CCNL1: variants seen among roughly 807,000 people sequenced by gnomAD.
The protein encoded by CCNL1 is cyclin-L1.
CCNL1 carries 13 observed loss-of-function variants against 60.6 expected under a neutral mutation model. The ratio of observed to expected loss-of-function variants is 0.21; its 90% confidence interval spans 0.14 to 0.34. The LOEUF (loss-of-function observed/expected upper bound fraction) is 0.34. Ranked by LOEUF, CCNL1 falls within the 10% of genes least tolerant of loss-of-function variation. The pLI is 1.00. For synonymous variants in CCNL1, 270 were observed against 244.3 expected (o/e 1.10, Z -0.98); for missense variants, 481 against 664.3 (o/e 0.72, Z 3.03).
intron 5 of CCNL1, chr3:157,151,315 G>A: frequency 1.0e-6 from 1 of 985,726 alleles, no homozygotes. Flanking sequence ...AATAGTCTTA[G>A]GAAACAGTAG....
At chr3:157,150,629 A>C in intron 5 of CCNL1, 2 of 1,183,612 alleles carry the variant, frequency 1.7e-6, no homozygotes, top group Admixed American at 3.9e-5. Context: ...ATTACAATCC[A>C]AACTAGAAAT....
At chr3:157,146,719 A>G (rs1737797219), downstream of CCNL1, 1 of 336,198 alleles carries the variant, frequency 3.0e-6, no homozygotes, top group Non-Finnish European at 5.9e-6. Flanking sequence ...TAGGGGAAGC[A>G]AACTGTTCAG....
chr3:157,159,985 G>A lies in CCNL1; in HGVS notation c.110C>T (p.Thr37Met), dbSNP rs770313834. The change falls in exon 1 of 11, where the codon ACG (threonine) becomes ATG (methionine). Residue 37 changes from threonine to methionine, a missense_variant. Thr to Met is a moderately conservative substitution (Grantham distance 81, BLOSUM62 -1). This residue lies in a region of CCNL1 where 65 missense variants were observed against 57.5 expected (regional missense o/e 1.13). Coordinates refer to ENST00000295926, the MANE Select transcript of CCNL1 (RefSeq NM_020307.4). ...SGTTTTTTTT[T>M]GGILIGDRLY... is the part of the protein sequence containing the mutation. ...GCGATCGCCGATCAGGATCCCTCCC[G>A]TCGTGGTCGTCGTCGTGGTCGTCGT... 5 of 1,581,228 alleles carry A rather than the reference G, an allele frequency of 3.2e-6. No homozygotes were observed. Among genetic ancestry groups the A allele is most frequent in the South Asian group, 2.3e-5 (2 of 86,766 alleles).
In CCNL1 at chr3:157,150,352, T is replaced by C. The variant is rs1485261912; in HGVS notation, c.704A>G (p.Asn235Ser). ...CTCTGGTTGAAATCGAACAAACACA[T>C]TGGTTCGAAGACTGTCATTCATGTA... is the stretch of plus-strand genomic sequence containing the variant. ...WNYMNDSLRT[N>S]VFVRFQPETI... Residue 235 changes from asparagine to serine, a missense_variant, in exon 6 of 11, where the codon AAT becomes AGT. Physicochemically the swap from Asn to Ser is conservative, Grantham distance 46. Coordinates refer to ENST00000295926, the MANE Select transcript of CCNL1 (RefSeq NM_020307.4). The C allele has an allele frequency of 2.5e-6, 4 of 1,613,806 alleles. No homozygotes were observed. In the South Asian group the frequency reaches 3.3e-5, roughly 13 times the overall value.
At chr3:157,159,020 C>T (rs757404564) in intron 2 of CCNL1, 45 bp from the exon 3 acceptor site, 2 of 1,262,584 alleles carry the variant, frequency 1.6e-6, no homozygotes, top group Admixed American at 3.9e-5. Context: ...AGATTAAACT[C>T]ACTTTGAAGA....
downstream of CCNL1, among the ~76,000 whole-genome samples, chr3:157,146,250 G>T (rs1254597305): frequency 2.0e-5 from 3 of 152,138 alleles, no homozygotes; most frequent in Non-Finnish European, 4.4e-5. Context: ...TCTAGAGAAA[G>T]TGTTTAAATA....
intron 3 of CCNL1, among the ~76,000 whole-genome samples, chr3:157,158,161 C>G (rs1219413681): frequency 6.6e-6 from 1 of 152,204 alleles, no homozygotes; most frequent in Non-Finnish European, 1.5e-5. Context: ...ACCACAACAC[C>G]TAGGAGATAC....
chr3:157,157,116 G>A (rs1738680836), intron 3 of CCNL1: 1 of 1,289,434 alleles, frequency 7.8e-7, no homozygotes. Flanking sequence ...AAAAAGAGTT[G>A]AAGTTAATAA....
intron 2 of CCNL1, chr3:157,159,198 A>C (rs756198149): frequency 3.6e-5 from 23 of 639,312 alleles, no homozygotes; most frequent in Non-Finnish European, 5.5e-5. Context: ...TTTGGTTGAA[A>C]ACTGTACTTT....
downstream of CCNL1, among the ~76,000 whole-genome samples, chr3:157,146,840 A>C (rs1233416782): frequency 6.6e-6 from 1 of 152,236 alleles, no homozygotes; most frequent in Non-Finnish European, 1.5e-5. Context: ...TTCAAGCATG[A>C]AGTGGCTAAC....
At chr3:157,150,595 C>T (rs547219201) in intron 5 of CCNL1, 15 of 1,245,896 alleles carry the variant, frequency 1.2e-5, no homozygotes, top group Middle Eastern at 3.2e-4. Flanking sequence ...TATATATGAG[C>T]GAAGCCCTTT....
rs144463229 is a variant in CCNL1 at position 157,149,576 on chromosome 3, C to T, written c.1042G>A (p.Ala348Thr). 145 of 1,613,646 alleles carry T rather than the reference C, an allele frequency of 9.0e-5. No homozygotes were observed. Among genetic ancestry groups the T allele is most frequent in the Middle Eastern group, 3.3e-4 (2 of 6,062 alleles). Reference protein sequence around the residue: ...SKPSSPREVKAEEKSPISINV... With the variant: ...SKPSSPREVKTEEKSPISINV... ...ATGGAGATTGGTGATTTCTCTTCAG[C>T]TTTTACTTCTCTTGGTGATGCTTTT... Residue 348 changes from alanine (A) to threonine (T), a missense_variant, in exon 9 of 11, where the codon GCT becomes ACT. By Grantham distance (58) the Ala-to-Thr change is moderately conservative (BLOSUM62 0). This residue lies in a region of CCNL1 where 197 missense variants were observed against 233.9 expected (regional missense o/e 0.84). Coordinates refer to ENST00000295926, the MANE Select transcript of CCNL1 (RefSeq NM_020307.4).
At position 157,149,271 on chromosome 3, in the gene CCNL1, G is replaced by A; in HGVS notation, c.1232+16C>T. 1.9e-6 allele frequency: 3 copies of A among 1,585,512 alleles called. No individual in the cohort carries two copies. In the South Asian group the frequency reaches 3.3e-5, roughly 18 times the overall value. On this transcript the variant is annotated intron_variant, in intron 10 of 10. Transcript: ENST00000295926. ...ACTCCAAATAAGACTGCTTCCCTAA[G>A]AAAACATTTACTTACTGTCTTCTTG...
chr3:157,159,738 G>A (rs1442150664), intron 1 of CCNL1, 54 bp downstream of exon 1: 25 of 1,401,180 alleles, frequency 1.8e-5, no homozygotes, highest in South Asian at 2.8e-5. Flanking sequence ...ATGCGGCGTA[G>A]GGGACGGAGG....
At chr3:157,154,933 T>TATATATACATACATACATAC (rs1553850935) in intron 3 of CCNL1, among the ~76,000 whole-genome samples, 5 of 147,782 alleles carry the variant, frequency 3.4e-5, no homozygotes, top group African/African-American at 1.3e-4. Context: ...TCTCCATATA[T>TATATATACATACATACATAC]ATACATACAT....
intron 5 of CCNL1, chr3:157,151,472 T>C: frequency 1.0e-6 from 1 of 985,878 alleles, no homozygotes. Context: ...GCTTCTTGCT[T>C]CTAATATTAT....
intron 3 of CCNL1, among the ~76,000 whole-genome samples, chr3:157,155,832 A>G (rs558162504): frequency 3.9e-5 from 6 of 152,290 alleles, no homozygotes; most frequent in African/African-American, 1.2e-4. Flanking sequence ...GGCATTTGAA[A>G]ATCTCTTTAA....
intron 5 of CCNL1, chr3:157,151,657 C>A: frequency 3.1e-5 from 31 of 990,144 alleles, no homozygotes; most frequent in Non-Finnish European, 3.7e-5. Flanking sequence ...CACAACAAAT[C>A]TATCAAAAAT....
At chr3:157,148,852 G>GT (rs1464017716) in intron 10 of CCNL1, 2 of 416,090 alleles carry the variant, frequency 4.8e-6, no homozygotes, top group Non-Finnish European at 8.5e-6. Context: ...TTTTTATTAA[G>GT]TATCTCCCAC....
Sources: allele counts gnomAD v4.1 joint callset (sites outside exome capture counted in the v4.1 genomes callset), GRCh38; gene constraint gnomAD v4.1.1; regional missense constraint gnomAD v4.1.1; transcripts MANE v1.5; gene names NCBI Gene and HGNC (gene_info 2026-07-23, HGNC 2026-07-21).